The following ATP10A variants were observed in gnomAD, a reference collection of about 807,000 sequenced individuals.
ATP10A encodes ATPase phospholipid transporting 10A (putative).
Under a neutral mutation model 147.8 loss-of-function variants are expected in ATP10A, and 111 were observed. The observed-to-expected ratio is 0.75, with a 90% CI of 0.64 to 0.88. ATP10A has a LOEUF of 0.88. Among genes scored for constraint, ATP10A ranks in the 40% least tolerant of loss-of-function variants. ATP10A has a pLI of 0.00. For missense variants in ATP10A, 1,927 were observed against 1,959.0 expected (o/e 0.98, Z 0.31); for synonymous variants, 875 against 841.6 (o/e 1.04, Z -0.69).
chr15:25,718,426 C>T, intron 7 of ATP10A, 27 bp from the exon 8 acceptor site: 1 of 1,563,336 alleles, frequency 6.4e-7, no homozygotes, highest in Non-Finnish European at 8.6e-7. Context: ...CAGGGTGAGG[C>T]ATCATGGGGG....
At chr15:25,822,431 ATGC>A (rs1448343616) in intron 1 of ATP10A, among the ~76,000 whole-genome samples, 1 of 152,206 alleles carries the variant, frequency 6.6e-6, no homozygotes, top group African/African-American at 2.4e-5. Flanking sequence ...GATCTGACCT[ATGC>A]TTTGCCCTCC....
rs111877389 is a variant in ATP10A, at chr15:25,680,078, G to A, written c.3866+43C>T. On this transcript the variant is annotated intron_variant, in intron 20 of 20. Coordinates refer to ENST00000555815, the MANE Select transcript of ATP10A (RefSeq NM_024490.4). ...CAGAAGCAATGCCAATGTCGTCTGG[G>A]CTCACTCGGGGCTCAGAGGCACTAT... 4.1e-4 allele frequency: 654 copies of A among 1,600,782 alleles called. 5 individuals are homozygous for A. In the African/African-American group the frequency reaches 7.4e-3, roughly 18 times the overall value.
At chr15:25,825,401 C>A (rs1328891898) in intron 1 of ATP10A, among the ~76,000 whole-genome samples, 2 of 152,112 alleles carry the variant, frequency 1.3e-5, no homozygotes, top group East Asian at 3.9e-4. Flanking sequence ...TATAAACATG[C>A]TCAGAGCTAT....
rs1427097987 is a variant in ATP10A, at chr15:25,687,799, C to T, written c.3195G>A (p.Pro1065=). 1.5e-5 allele frequency: 25 copies of T among 1,613,760 alleles called. No homozygotes were observed. Among genetic ancestry groups the T allele is most frequent in the African/African-American group, 2.7e-5 (2 of 74,888 alleles). The change falls in exon 16 of 21, where the codon CCG becomes CCA. Residue 1065 remains proline (P), a synonymous_variant. Transcript: ENST00000555815. Reference sequence around the variant, plus strand: ...AGAGCCTCTCCAGGTATCGGAATTTCGGCACTGCAAAGTCGCTGGCCATCA... The same window carrying T: ...AGAGCCTCTCCAGGTATCGGAATTTTGGCACTGCAAAGTCGCTGGCCATCA... The part of the protein sequence containing the change: ...QAVMASDFAV[P]KFRYLERLLI...
intron 1 of ATP10A, among the ~76,000 whole-genome samples, chr15:25,814,163 CA>C (rs772621577): frequency 6.6e-6 from 1 of 151,910 alleles, no homozygotes; most frequent in Non-Finnish European, 1.5e-5. Flanking sequence ...CTTATATATA[CA>C]GAGAAGTAAA....
chr15:25,773,652 C>G (rs920609630), intron 2 of ATP10A, among the ~76,000 whole-genome samples: 5 of 152,158 alleles, frequency 3.3e-5, no homozygotes, highest in Non-Finnish European at 5.9e-5. Context: ...AACATTTATC[C>G]TCTCCTAAAT....
intron 1 of ATP10A, 106 bp from the exon 2 acceptor site, chr15:25,781,329 A>G: frequency 1.0e-6 from 1 of 978,500 alleles, no homozygotes; most frequent in East Asian, 2.6e-5. Context: ...ACATTTGCAT[A>G]GGCTGAAAAT....
At chr15:25,711,673 A>G (rs1217219292) in intron 10 of ATP10A, among the ~76,000 whole-genome samples, 1 of 152,204 alleles carries the variant, frequency 6.6e-6, no homozygotes, top group Non-Finnish European at 1.5e-5. Flanking sequence ...TGGTTTTGAT[A>G]AGGTGAGAGT....
chr15:25,721,026 G>A (rs953459843), intron 7 of ATP10A, among the ~76,000 whole-genome samples: 3 of 152,158 alleles, frequency 2.0e-5, no homozygotes, highest in Non-Finnish European at 4.4e-5. Flanking sequence ...CAGTGGTGGC[G>A]GGGACCCTGG....
chr15:25,698,814 A>C (rs1900498815), intron 13 of ATP10A, among the ~76,000 whole-genome samples: 1 of 152,138 alleles, frequency 6.6e-6, no homozygotes, highest in Admixed American at 6.5e-5. Flanking sequence ...GATTTTTTTG[A>C]CCTATGATAG....
chr15:25,864,631 C>T (rs1258343402), upstream of ATP10A, among the ~76,000 whole-genome samples: 1 of 152,318 alleles, frequency 6.6e-6, no homozygotes, highest in East Asian at 1.9e-4. Flanking sequence ...AAAATAATCC[C>T]ATCCCCCAGT....
In ATP10A at chr15:25,805,666, G is replaced by A. The variant is rs566374711; in HGVS notation, c.450-24443C>T. Among the ~76,000 whole-genome samples, 11 of 152,246 alleles carry A rather than the reference G, an allele frequency of 7.2e-5. 1 individual carries two copies. Among genetic ancestry groups the A allele is most frequent in the African/African-American group, 2.4e-4 (10 of 41,532 alleles). ...CTGTCTTACATGGGAAGAACATGAA[G>A]AAATGCTGAATCCATATGTGAAACA... On this transcript the variant is annotated intron_variant, in intron 1 of 20. Transcript: ENST00000555815.
At chr15:25,773,551 AATAGTGAG>A (rs777312028) in intron 2 of ATP10A, among the ~76,000 whole-genome samples, 29 of 152,118 alleles carry the variant, frequency 1.9e-4, no homozygotes, top group Non-Finnish European at 3.2e-4. Context: ...GCAGGTCCTC[AATAGTGAG>A]ATTGGAAACT....
intron 13 of ATP10A, among the ~76,000 whole-genome samples, chr15:25,695,641 C>G (rs1361254040): frequency 6.6e-6 from 1 of 151,970 alleles, no homozygotes; most frequent in African/African-American, 2.4e-5. Context: ...AAAAAAGAGA[C>G]TGAACTGGTC....
At chr15:25,823,979 C>T (rs1892000923) in intron 1 of ATP10A, among the ~76,000 whole-genome samples, 1 of 152,164 alleles carries the variant, frequency 6.6e-6, no homozygotes, top group African/African-American at 2.4e-5. Context: ...GATGCAGCCA[C>T]GGGCAGTGCA....
intron 3 of ATP10A, among the ~76,000 whole-genome samples, 161 bp from the exon 4 acceptor site, chr15:25,727,427 C>T (rs914694085): frequency 7.2e-5 from 11 of 152,052 alleles, no homozygotes; most frequent in African/African-American, 2.7e-4. Flanking sequence ...GTGGGTGGCT[C>T]GCCCTGTGGG....
At chr15:25,736,184 G>C (rs1180676194) in intron 2 of ATP10A, 43 bp from the exon 3 acceptor site, 2 of 1,553,104 alleles carry the variant, frequency 1.3e-6, no homozygotes, top group Non-Finnish European at 1.8e-6. Context: ...CCGGGCTCAG[G>C]CTGCGCCGTT....
intron 12 of ATP10A, among the ~76,000 whole-genome samples, chr15:25,707,189 A>G (rs1901082657): frequency 6.6e-6 from 1 of 152,212 alleles, no homozygotes; most frequent in Non-Finnish European, 1.5e-5. Context: ...TTATACTAGA[A>G]ATGTAGATGT....
chr15:25,811,917 A>T (rs1232895650), intron 1 of ATP10A, among the ~76,000 whole-genome samples: 1 of 152,214 alleles, frequency 6.6e-6, no homozygotes, highest in Non-Finnish European at 1.5e-5. Flanking sequence ...CCGATGCCAG[A>T]GGAAACCGAG....
Sources: allele counts gnomAD v4.1 joint callset (sites outside exome capture counted in the v4.1 genomes callset), GRCh38; gene constraint gnomAD v4.1.1; transcripts MANE v1.5; gene names NCBI Gene and HGNC (gene_info 2026-07-23, HGNC 2026-07-21).